The following ATP2C2 variants were observed in gnomAD, a reference collection of about 807,000 sequenced individuals.
ATP2C2 encodes ATPase secretory pathway Ca2+ transporting 2.
In ATP2C2, 171 loss-of-function variants were observed where a neutral mutation model predicts 110.8. That is an observed-to-expected ratio of 1.54 (90% CI 1.36 to 1.75). ATP2C2 has a LOEUF of 1.75. Among genes scored for constraint, ATP2C2 ranks in the 40% most tolerant of loss-of-function variants. The pLI is 0.00. For missense variants in ATP2C2, 1,963 were observed against 1,235.0 expected (o/e 1.59, Z -8.84); for synonymous variants, 804 against 508.4 (o/e 1.58, Z -7.82).
At position 84,422,713 on chromosome 16, in the gene ATP2C2, G is replaced by T; in HGVS notation, c.843+16G>T. The T allele has an allele frequency of 1.3e-6, 2 of 1,593,774 alleles. No individual in the cohort carries two copies. Among genetic ancestry groups the T allele is most frequent in the South Asian group, 1.1e-5 (1 of 88,602 alleles). ...GGCTGAAGAGGTAAGGGGCAGGAGG[G>T]GGCTTCGGGACTTTTGTAAGCTGGA... On this transcript the variant is annotated intron_variant, in intron 9 of 26. Coordinates refer to ENST00000262429, the MANE Select transcript of ATP2C2 (RefSeq NM_014861.4).
intron 3 of ATP2C2, among the ~76,000 whole-genome samples, chr16:84,406,004 G>C (rs1369383570): frequency 6.6e-6 from 1 of 152,198 alleles, no homozygotes; most frequent in South Asian, 2.1e-4. Flanking sequence ...TACAGTGGAC[G>C]TGCTTATACT....
At chr16:84,417,905 A>G (rs1906980519) in intron 7 of ATP2C2, among the ~76,000 whole-genome samples, 2 of 152,252 alleles carry the variant, frequency 1.3e-5, no homozygotes, top group Admixed American at 6.5e-5. Context: ...GAGTACTTCA[A>G]GTGTACATTT....
At chr16:84,459,661 A>C (rs1011493284) in intron 23 of ATP2C2, 873 of 1,352,244 alleles carry the variant, frequency 6.5e-4, no homozygotes, top group Middle Eastern at 9.7e-4. Context: ...GCTCATTCTC[A>C]TGCTTCATTC....
chr16:84,380,703 G>A (rs574175394), intron 1 of ATP2C2, among the ~76,000 whole-genome samples: 2 of 152,240 alleles, frequency 1.3e-5, no homozygotes, highest in East Asian at 1.9e-4. Flanking sequence ...GTGAGACCTC[G>A]GGCAAACTTA....
chr16:84,423,317 C>A, intron 10 of ATP2C2, 54 bp downstream of exon 10: 1 of 1,532,950 alleles, frequency 6.5e-7, no homozygotes, highest in Middle Eastern at 1.7e-4. Context: ...GGGGAGCCAT[C>A]ATAGGGGGGT....
chr16:84,388,905 G>C (rs987559717), intron 1 of ATP2C2, among the ~76,000 whole-genome samples: 7 of 152,292 alleles, frequency 4.6e-5, no homozygotes, highest in Non-Finnish European at 5.9e-5. Flanking sequence ...CTGAGTAGCT[G>C]GGGCTACAGG....
At chr16:84,449,204 T>G (rs779092629) in intron 17 of ATP2C2, among the ~76,000 whole-genome samples, 7 of 152,240 alleles carry the variant, frequency 4.6e-5, no homozygotes, top group African/African-American at 1.2e-4. Context: ...TGGTATTCCC[T>G]TGGGGGAAAG....
At chr16:84,407,787 C>G (rs562698085) in intron 3 of ATP2C2, among the ~76,000 whole-genome samples, 2 of 152,308 alleles carry the variant, frequency 1.3e-5, no homozygotes, top group South Asian at 4.1e-4. Flanking sequence ...GATATTGTAA[C>G]TCTCTTCCTT....
chr16:84,376,936 C>T (rs1357919926), intron 1 of ATP2C2, among the ~76,000 whole-genome samples: 1 of 152,232 alleles, frequency 6.6e-6, no homozygotes, highest in African/African-American at 2.4e-5. Context: ...CAATCGATAC[C>T]TCCCCTGTGG....
chr16:84,410,120 A>G (rs1198773297), intron 4 of ATP2C2, among the ~76,000 whole-genome samples: 6 of 152,110 alleles, frequency 3.9e-5, no homozygotes, highest in Non-Finnish European at 8.8e-5. Flanking sequence ...GAGGCAGGAG[A>G]ATCGCTTGAA....
intron 14 of ATP2C2, 37 bp downstream of exon 14, chr16:84,440,995 T>G: frequency 6.6e-7 from 1 of 1,504,498 alleles, no homozygotes; most frequent in Non-Finnish European, 9.2e-7. Context: ...AATAGGCATT[T>G]ACATTGAGGC....
At chr16:84,403,170 T>C (rs749828364) in intron 2 of ATP2C2, among the ~76,000 whole-genome samples, 1 of 152,224 alleles carries the variant, frequency 6.6e-6, no homozygotes, top group Non-Finnish European at 1.5e-5. Context: ...GGTTCTTCTC[T>C]CTTTTTTTCT....
chr16:84,449,195 G>C (rs887729307), intron 17 of ATP2C2, among the ~76,000 whole-genome samples: 1 of 152,248 alleles, frequency 6.6e-6, no homozygotes, highest in Non-Finnish European at 1.5e-5. Flanking sequence ...CCTGAGCACT[G>C]GTATTCCCTT....
chr16:84,415,693 A>G (rs2150533565), intron 7 of ATP2C2, 102 bp downstream of exon 7: 2 of 892,064 alleles, frequency 2.2e-6, no homozygotes, highest in Non-Finnish European at 1.7e-6. Context: ...TCATACACAC[A>G]TGCTCAAACA....
At position 84,439,166 on chromosome 16, in the gene ATP2C2, C is replaced by G. The variant is rs973174770; in HGVS notation, c.987C>G (p.Ser329Arg). The change falls in exon 12 of 27, where the codon AGC (serine) becomes AGG (arginine). Residue 329 changes from serine (S) to arginine (R), a missense_variant and splice_region_variant. Physicochemically the swap from Ser to Arg is moderately radical, Grantham distance 110. Coordinates refer to ENST00000262429, the MANE Select transcript of ATP2C2 (RefSeq NM_014861.4). ...QLLSMFTIGV[S>R]LAVAAIPEGL... ...GGACTCATTTGACCTTTCGATCCAG[C>G]CTGGCTGTGGCGGCCATTCCAGAGG... 6.2e-7 allele frequency: 1 copy of G among 1,612,210 alleles called. No homozygotes were observed. Among genetic ancestry groups the G allele is most frequent in the Admixed American group, 1.7e-5 (1 of 60,032 alleles).
At chr16:84,449,782 C>G (rs554226110) in intron 17 of ATP2C2, among the ~76,000 whole-genome samples, 19 of 152,336 alleles carry the variant, frequency 1.2e-4, no homozygotes, top group African/African-American at 4.6e-4. Context: ...TACGACCAAG[C>G]CATTCAGTAG....
chr16:84,445,641 T>A (rs1483530386), intron 15 of ATP2C2, among the ~76,000 whole-genome samples: 1 of 152,226 alleles, frequency 6.6e-6, no homozygotes, highest in East Asian at 1.9e-4. Context: ...ACATATCTTT[T>A]GTGGGGTACA....
Position 84,451,994 on chromosome 16 carries a change from G to A in ATP2C2, c.1734G>A (p.Pro578=), listed in dbSNP as rs187525642. ...GTCTTGTGGGCATCATTGACCCCCCGAGAGTTGGCGTGAAGGAAGCAGTCC... is the reference window on the plus strand; with the variant it reads ...GTCTTGTGGGCATCATTGACCCCCCAAGAGTTGGCGTGAAGGAAGCAGTCC... ...FLGLVGIIDP[P]RVGVKEAVQV... is the part of the protein sequence containing the mutation. The change falls in exon 18 of 27, where the codon CCG becomes CCA. Residue 578 remains proline (P), a synonymous_variant. Coordinates refer to ENST00000262429, the MANE Select transcript of ATP2C2 (RefSeq NM_014861.4). The A allele has an allele frequency of 2.8e-4, 444 of 1,613,972 alleles. 4 individuals carry two copies. In the East Asian group the frequency reaches 7.6e-3, roughly 27 times the overall value.
Position 84,440,950 on chromosome 16 carries a change from T to G in ATP2C2, c.1303T>G (p.Leu435Val), listed in dbSNP as rs1430226876. Residue 435 changes from leucine (L) to valine (V), a missense_variant, in exon 14 of 27, where the codon TTA (leucine) becomes GTA (valine). Leu to Val is a conservative substitution (Grantham distance 32). Coordinates refer to ENST00000262429, the MANE Select transcript of ATP2C2 (RefSeq NM_014861.4). ...ATTTTCCAATGTCTCAGTGGGAAAG[T>G]TAGTGGAGGTAGGTGTCAAAAGCGC... ...KEFSNVSVGK[L>V]VEAGCVANNA... 1 of 1,610,708 alleles carries G rather than the reference T, an allele frequency of 6.2e-7. No individual in the cohort carries two copies. Among genetic ancestry groups the G allele is most frequent in the Non-Finnish European group, 8.5e-7 (1 of 1,178,244 alleles).
Sources: allele counts gnomAD v4.1 joint callset (sites outside exome capture counted in the v4.1 genomes callset), GRCh38; gene constraint gnomAD v4.1.1; transcripts MANE v1.5; gene names NCBI Gene and HGNC (gene_info 2026-07-23, HGNC 2026-07-21).